The following RPN2 variants were observed in gnomAD, a reference collection of about 807,000 sequenced individuals.
RPN2 encodes dolichyl-diphosphooligosaccharide--protein glycosyltransferase subunit 2.
Under a neutral mutation model 71.4 loss-of-function variants are expected in RPN2, and 29 were observed. The ratio of observed to expected loss-of-function variants is 0.41; its 90% CI spans 0.30 to 0.55. The LOEUF is 0.55. RPN2 is among the 20% of genes least tolerant of loss of function. The pLI, the probability that RPN2 is intolerant of heterozygous loss-of-function variation, is 0.35. For synonymous variants in RPN2, 308 were observed against 305.0 expected (o/e 1.01, Z -0.10); for missense variants, 726 against 774.1 (o/e 0.94, Z 0.74).
At chr20:37,197,628 A>G (rs1476362290) in intron 2 of RPN2, among the ~76,000 whole-genome samples, 1 of 151,532 alleles carries the variant, frequency 6.6e-6, no homozygotes, top group Non-Finnish European at 1.5e-5. Flanking sequence ...TTTTTGGGGG[A>G]CTGGGTCTCG....
intron 13 of RPN2, 100 bp downstream of exon 13, chr20:37,230,159 A>T (rs1312142940): frequency 5.2e-6 from 5 of 956,242 alleles, no homozygotes; most frequent in South Asian, 1.3e-5. Flanking sequence ...GTGATGTTTT[A>T]TAGTTTGATC....
At chr20:37,238,373 T>A in intron 16 of RPN2, 1 of 1,590,032 alleles carries the variant, frequency 6.3e-7, no homozygotes, top group Non-Finnish European at 8.6e-7. Context: ...TGTCCTTTCT[T>A]GATTCTCAAA....
chr20:37,182,415 G>C (rs915458227), intron 1 of RPN2, among the ~76,000 whole-genome samples: 2 of 152,034 alleles, frequency 1.3e-5, no homozygotes, highest in African/African-American at 4.8e-5. Context: ...TTTTGAGACA[G>C]GGTCTCTCTT....
chr20:37,203,422 G>A (rs1265183475), intron 4 of RPN2, among the ~76,000 whole-genome samples: 1 of 147,640 alleles, frequency 6.8e-6, no homozygotes, highest in Non-Finnish European at 1.5e-5. Context: ...AGGCTGGAGT[G>A]CAGTGGCTCA....
At position 37,184,341 on chromosome 20, in the gene RPN2, A is replaced by G. The variant is rs140053258; in HGVS notation, c.175A>G (p.Ser59Gly). The stretch of plus-strand genomic sequence containing the variant: ...TGCCTTCTACTCCATCGTGGGACTC[A>G]GCAGCCTTGGTGCTCAGGTGCCAGA... ...ESAFYSIVGL[S>G]SLGAQVPDAK... Residue 59 changes from serine (S) to glycine (G), a missense_variant, in exon 2 of 17, where the codon AGC becomes GGC. Coordinates refer to ENST00000237530, the MANE Select transcript of RPN2 (RefSeq NM_002951.5). The G allele has an allele frequency of 1.1e-5, 18 of 1,614,084 alleles. No homozygotes were observed. In the African/African-American group the frequency reaches 2.3e-4, roughly 20 times the overall value.
At chr20:37,193,165 A>G (rs115085851) in intron 2 of RPN2, among the ~76,000 whole-genome samples, 4,019 of 152,014 alleles carry the variant, frequency 0.026, 177 homozygotes, top group African/African-American at 0.093. Flanking sequence ...CCAAAACTCA[A>G]ACCTCTCTGC....
At chr20:37,212,582 G>A (rs2067700866) in intron 8 of RPN2, among the ~76,000 whole-genome samples, 1 of 151,706 alleles carries the variant, frequency 6.6e-6, no homozygotes, top group Non-Finnish European at 1.5e-5. Flanking sequence ...CCAGGTACAA[G>A]GAATTCTGCC....
intron 3 of RPN2, 98 bp downstream of exon 3, chr20:37,198,590 A>G: frequency 1.3e-6 from 2 of 1,568,932 alleles, no homozygotes; most frequent in Non-Finnish European, 1.7e-6. Context: ...TAATTATGAG[A>G]GTCCATTATT....
At chr20:37,188,546 G>A (rs1319060213) in intron 2 of RPN2, among the ~76,000 whole-genome samples, 1 of 151,316 alleles carries the variant, frequency 6.6e-6, no homozygotes, top group African/African-American at 2.4e-5. Context: ...CAGTTTTATA[G>A]TTATTTTTGG....
chr20:37,204,626 A>C, intron 5 of RPN2, 141 bp from the exon 6 acceptor site: 1 of 946,016 alleles, frequency 1.1e-6, no homozygotes, highest in Non-Finnish European at 1.7e-6. Context: ...CATTTTTGAG[A>C]AAGTATGAAG....
At chr20:37,217,649 A>T (rs1196165379) in intron 9 of RPN2, among the ~76,000 whole-genome samples, 2 of 152,016 alleles carry the variant, frequency 1.3e-5, no homozygotes, top group Non-Finnish European at 2.9e-5. Flanking sequence ...GAAGAAAAGG[A>T]TAGAGTGGTC....
chr20:37,229,324 A>G (rs1210824111), intron 12 of RPN2, among the ~76,000 whole-genome samples: 3 of 152,142 alleles, frequency 2.0e-5, no homozygotes, highest in African/African-American at 7.2e-5. Context: ...GAAGAATGGC[A>G]AGGGTTTATC....
chr20:37,200,466 C>A (rs1434415076), intron 4 of RPN2: 1 of 533,092 alleles, frequency 1.9e-6, no homozygotes, highest in South Asian at 1.4e-5. Context: ...GAGCACCGTT[C>A]TGGAATCCCG....
intron 8 of RPN2, among the ~76,000 whole-genome samples, chr20:37,211,115 A>G (rs1600795905): frequency 6.7e-6 from 1 of 150,204 alleles, no homozygotes; most frequent in African/African-American, 2.4e-5. Flanking sequence ...GCTCACTGCA[A>G]CCTCCACCTC....
chr20:37,216,553 C>T (rs757880622), intron 9 of RPN2, among the ~76,000 whole-genome samples: 8 of 151,926 alleles, frequency 5.3e-5, no homozygotes, highest in Non-Finnish European at 8.8e-5. Flanking sequence ...CCTCTGCCTC[C>T]GGGGTTCAAG....
intron 4 of RPN2, among the ~76,000 whole-genome samples, chr20:37,199,895 A>G (rs1415596055): frequency 6.6e-6 from 1 of 152,136 alleles, no homozygotes; most frequent in African/African-American, 2.4e-5. Context: ...GTGCAATGGT[A>G]TGATCAAACT....
At chr20:37,235,474 G>T (rs1306680938) in intron 15 of RPN2, among the ~76,000 whole-genome samples, 1 of 152,108 alleles carries the variant, frequency 6.6e-6, no homozygotes, top group Non-Finnish European at 1.5e-5. Context: ...TAAGGGCAGG[G>T]CCTGGACCAG....
At chr20:37,241,228 G>T (rs1359110573) in intron 16 of RPN2, 75 bp from the exon 17 acceptor site, 70 of 1,559,778 alleles carry the variant, frequency 4.5e-5, no homozygotes, top group Non-Finnish European at 6.0e-5. Context: ...TAGTCTCTCT[G>T]TTGTCACCAG....
At chr20:37,232,453 C>A in intron 14 of RPN2, 62 bp downstream of exon 14, 1 of 1,584,296 alleles carries the variant, frequency 6.3e-7, no homozygotes, top group East Asian at 2.2e-5. Context: ...AGATGCATTC[C>A]TTCCAAAGGA....
Sources: allele counts gnomAD v4.1 joint callset (sites outside exome capture counted in the v4.1 genomes callset), GRCh38; gene constraint gnomAD v4.1.1; transcripts MANE v1.5; gene names NCBI Gene and HGNC (gene_info 2026-07-23, HGNC 2026-07-21).